Variants in IL26 observed in about 807,000 individuals in gnomAD.
The protein encoded by IL26 is interleukin 26.
In IL26, 23 loss-of-function variants were observed where a neutral mutation model predicts 21.7. The observed-to-expected ratio is 1.06, with a 90% CI of 0.76 to 1.50. The LOEUF (loss-of-function observed/expected upper bound fraction) is 1.50, where lower values mean the gene tolerates loss of function less well. Ranked by LOEUF, IL26 falls within the 40% of genes most tolerant of loss-of-function variation. The pLI is 0.00. For missense variants in IL26, 204 were observed against 196.0 expected (o/e 1.04, Z -0.24); for synonymous variants, 63 against 67.8 (o/e 0.93, Z 0.34).
At position 68,225,709 on chromosome 12, in the gene IL26, CAG is replaced by C; in HGVS notation, c.46_47del (p.Leu16ValfsTer27). On this transcript the variant is annotated frameshift_variant, in exon 1 of 5. Coordinates refer to ENST00000229134, the MANE Select transcript of IL26 (RefSeq NM_018402.2). LOFTEE classifies it high-confidence loss of function. ...ILRCGLLLVTLSLAIAKHKQS... is the reference protein window; with the variant it reads ...ILRCGLLLVTXSLAIAKHKQS... ...GCTTGTGCTTGGCAATGGCAAGAGA[CAG>C]AGTGACTAACAGCAACCCACACCTC... 6.2e-7 allele frequency: 1 copy of C among 1,613,906 alleles called. No homozygotes were observed. The highest frequency in any genetic ancestry group is 8.5e-7 in the Non-Finnish European group (1 of 1,179,862).
At chr12:68,210,338 C>CAAAAAAA (rs540693081) in intron 3 of IL26, among the ~76,000 whole-genome samples, 2 of 22,096 alleles carry the variant, frequency 9.1e-5, no homozygotes, top group Admixed American at 6.6e-4. Flanking sequence ...ATCAGTTTGG[C>CAAAAAAA]AAAAAAAAAA....
rs760417109 is a variant in IL26 at position 68,201,864 on chromosome 12, A to G, written c.497T>C (p.Leu166Ser). The change falls in exon 5 of 5, where the codon TTA becomes TCA. Residue 166 changes from leucine to serine, a missense_variant. Coordinates refer to ENST00000229134, the MANE Select transcript of IL26 (RefSeq NM_018402.2). The stretch of plus-strand genomic sequence containing the variant: ...TTTGGTTTACTGACTGCTTTCCAAT[A>G]ATTTTTTAATCCAGGAAAGAAGAAT... The part of the protein sequence containing the change: ...LDILLSWIKK[L>S]LESSQ 6.3e-7 allele frequency: 1 copy of G among 1,593,510 alleles called. No individual in the cohort carries two copies. Among genetic ancestry groups the G allele is most frequent in the Admixed American group, 1.8e-5 (1 of 54,228 alleles).
chr12:68,222,664 C>G (rs1869087447), intron 3 of IL26, among the ~76,000 whole-genome samples: 1 of 152,158 alleles, frequency 6.6e-6, no homozygotes, highest in Non-Finnish European at 1.5e-5. Flanking sequence ...TTCTAAAGCT[C>G]AGAGCGTGCA....
chr12:68,204,549 C>T (rs1451715675), intron 3 of IL26, among the ~76,000 whole-genome samples: 1 of 152,170 alleles, frequency 6.6e-6, no homozygotes, highest in Admixed American at 6.5e-5. Flanking sequence ...GTGTCTTCTA[C>T]CTGGGAAACT....
chr12:68,208,798 C>G (rs11571042), intron 3 of IL26, among the ~76,000 whole-genome samples: 7 of 152,096 alleles, frequency 4.6e-5, no homozygotes, highest in Admixed American at 4.6e-4. Flanking sequence ...CCACGCCCAG[C>G]CAGCATTTTC....
chr12:68,215,986 T>G (rs1355042586), intron 3 of IL26, among the ~76,000 whole-genome samples: 1 of 149,174 alleles, frequency 6.7e-6, no homozygotes, highest in Non-Finnish European at 1.5e-5. Context: ...GCTCAGCCTA[T>G]TTATCTTTAA....
chr12:68,212,607 A>G (rs1868765423), intron 3 of IL26, among the ~76,000 whole-genome samples: 2 of 152,034 alleles, frequency 1.3e-5, no homozygotes, highest in South Asian at 4.1e-4. Flanking sequence ...AGTTTTTCTT[A>G]TAGAGATCCT....
At chr12:68,218,826 G>A (rs1200349249) in intron 3 of IL26, among the ~76,000 whole-genome samples, 3 of 151,820 alleles carry the variant, frequency 2.0e-5, no homozygotes, top group African/African-American at 7.3e-5. Context: ...TAAAAGGCAC[G>A]AATATGTTAT....
At chr12:68,220,501 T>A (rs1869015268) in intron 3 of IL26, among the ~76,000 whole-genome samples, 1 of 152,204 alleles carries the variant, frequency 6.6e-6, no homozygotes, top group African/African-American at 2.4e-5. Context: ...ATATTTAAAA[T>A]GAGGAAACTT....
At chr12:68,224,206 C>A (rs1229613818) in intron 3 of IL26, among the ~76,000 whole-genome samples, 1 of 152,090 alleles carries the variant, frequency 6.6e-6, no homozygotes, top group African/African-American at 2.4e-5. Flanking sequence ...ATACTTGGAC[C>A]CCAACCAAGG....
chr12:68,204,362 T>C (rs944637675), intron 3 of IL26, among the ~76,000 whole-genome samples: 1 of 152,016 alleles, frequency 6.6e-6, no homozygotes, highest in African/African-American at 2.4e-5. Context: ...CCAGGATGGT[T>C]TCGATCCACT....
chr12:68,211,767 A>C (rs1868737013), intron 3 of IL26, among the ~76,000 whole-genome samples: 1 of 152,130 alleles, frequency 6.6e-6, no homozygotes, highest in Admixed American at 6.6e-5. Context: ...TTCCTCATAT[A>C]TTCTGATTAG....
intron 3 of IL26, among the ~76,000 whole-genome samples, chr12:68,206,328 C>T (rs1025664324): frequency 6.6e-6 from 1 of 152,112 alleles, no homozygotes; most frequent in East Asian, 1.9e-4. Context: ...GTCTTTATGA[C>T]CCCTTGATCT....
chr12:68,203,773 G>A (rs912446742), intron 3 of IL26, among the ~76,000 whole-genome samples: 3 of 152,146 alleles, frequency 2.0e-5, no homozygotes, highest in Non-Finnish European at 4.4e-5. Context: ...ATCAGACCCT[G>A]CATAGGAGGG....
chr12:68,207,197 C>A (rs942257324), intron 3 of IL26, among the ~76,000 whole-genome samples: 2 of 152,108 alleles, frequency 1.3e-5, no homozygotes, highest in African/African-American at 4.8e-5. Flanking sequence ...CACAATGGTC[C>A]TTATCCTGGA....
chr12:68,214,292 G>A (rs1308602513), intron 3 of IL26, among the ~76,000 whole-genome samples: 1 of 152,162 alleles, frequency 6.6e-6, no homozygotes, highest in East Asian at 1.9e-4. Context: ...TCTGGAGAAT[G>A]TTCCATGTGC....
chr12:68,213,529 T>C (rs896389334), intron 3 of IL26, among the ~76,000 whole-genome samples: 1 of 152,108 alleles, frequency 6.6e-6, no homozygotes, highest in African/African-American at 2.4e-5. Context: ...ACAAGACTTT[T>C]GTTACAGCTT....
chr12:68,221,013 A>G (rs2120470734), intron 3 of IL26, among the ~76,000 whole-genome samples: 1 of 152,298 alleles, frequency 6.6e-6, no homozygotes, highest in African/African-American at 2.4e-5. Context: ...ATGCTCAGAA[A>G]CATTCTGATC....
chr12:68,202,464 GA>G (rs1206961537), intron 3 of IL26, among the ~76,000 whole-genome samples: 1 of 152,094 alleles, frequency 6.6e-6, no homozygotes, highest in Non-Finnish European at 1.5e-5. Flanking sequence ...AATTTATAAA[GA>G]AAAGAAGTTT....
Sources: allele counts gnomAD v4.1 joint callset (sites outside exome capture counted in the v4.1 genomes callset), GRCh38; gene constraint gnomAD v4.1.1; transcripts MANE v1.5; gene names NCBI Gene and HGNC (gene_info 2026-07-23, HGNC 2026-07-21).